Variants in ALDH6A1 observed in about 807,000 individuals in gnomAD.
The protein encoded by ALDH6A1 is methylmalonate-semialdehyde/malonate-semialdehyde dehydrogenase [acylating], mitochondrial.
In ALDH6A1, 43 loss-of-function variants were observed where a neutral mutation model predicts 62.6. That is an observed-to-expected ratio of 0.69 (90% CI 0.54 to 0.89). ALDH6A1 has a LOEUF of 0.89. Ranked by LOEUF, ALDH6A1 falls within the 40% of genes least tolerant of loss-of-function variation. The pLI is 0.00. For missense variants in ALDH6A1, 551 were observed against 661.3 expected, an observed-to-expected ratio of 0.83 and a Z score of 1.83; for synonymous variants, 194 against 234.2, an observed-to-expected ratio of 0.83 and a Z score of 1.57.
chr14:74,067,905 A>G (rs2060493476), intron 7 of ALDH6A1, among the ~76,000 whole-genome samples: 1 of 151,882 alleles, frequency 6.6e-6, no homozygotes, highest in Non-Finnish European at 1.5e-5. Context: ...AGACTGGGTG[A>G]CAGAGTGAGA....
intron 11 of ALDH6A1, among the ~76,000 whole-genome samples, chr14:74,064,315 T>G (rs58066285): frequency 6.9e-6 from 1 of 144,310 alleles, no homozygotes; most frequent in Admixed American, 6.9e-5. Flanking sequence ...AAAAAAATAA[T>G]AATAATAATA....
chr14:74,067,945 A>AC (rs2139776529), intron 7 of ALDH6A1, among the ~76,000 whole-genome samples: 1 of 151,892 alleles, frequency 6.6e-6, no homozygotes, highest in Non-Finnish European at 1.5e-5. Context: ...AAACAAACAA[A>AC]AAACAGGAAT....
intron 1 of ALDH6A1, among the ~76,000 whole-genome samples, chr14:74,079,135 C>T (rs1382096959): frequency 2.6e-5 from 4 of 151,726 alleles, no homozygotes; most frequent in Non-Finnish European, 5.9e-5. Context: ...GTGATACCCA[C>T]GTAATTATCT....
chr14:74,081,275 G>C (rs1486690434), intron 1 of ALDH6A1: 1 of 152,218 alleles, frequency 6.6e-6, no homozygotes, highest in Non-Finnish European at 1.5e-5. Flanking sequence ...CTGGAAGAGA[G>C]TAAGTACTTA....
At chr14:74,081,119 T>C (rs1482444980) in intron 1 of ALDH6A1, 1 of 152,204 alleles carries the variant, frequency 6.6e-6, no homozygotes, top group African/African-American at 2.4e-5. Context: ...CTCAGGTCTA[T>C]GGTAAGCAGC....
At chr14:74,069,101 CTT>C (rs900873855) in intron 6 of ALDH6A1, 120 bp from the exon 7 acceptor site, 10,877 of 442,606 alleles carry the variant, frequency 0.025, no homozygotes, top group Non-Finnish European at 0.028. Flanking sequence ...TTTACTTTTT[CTT>C]TTTTTTTTTT....
At chr14:74,078,311 A>T in intron 1 of ALDH6A1, 1 of 454,656 alleles carries the variant, frequency 2.2e-6, no homozygotes, top group South Asian at 1.6e-5. Flanking sequence ...AAAGTGACCG[A>T]GACAGTGGTG....
rs2060272995 is a variant in ALDH6A1 at position 74,058,645 on chromosome 14, G to T, written c.*1997C>A. The T allele has an allele frequency of 2.0e-5, 3 of 151,578 alleles. No homozygotes were observed. The highest frequency in any genetic ancestry group is 6.6e-5 in the Admixed American group (1 of 15,206). 9.4% of individuals were successfully genotyped at this position (151,578 alleles called of 1,614,324 possible). On this transcript the variant is annotated 3_prime_UTR_variant, in exon 12 of 12. Transcript: ENST00000553458. ...TTCATGAATAACCCCCATAGTGTAG[G>T]TTAGTTAGCACTATCAAAGTGACTG...
chr14:74,084,451 G>A lies in ALDH6A1; in HGVS notation c.-57C>T. The A allele has an allele frequency of 6.3e-7, 1 of 1,598,798 alleles. No homozygotes were observed. ...GCCTCTACTGCCCAGAAGCACTACA[G>A]CTGCCAGGCCTCGCCCTCCATCCTG... is the stretch of plus-strand genomic sequence containing the variant. On this transcript the variant is annotated 5_prime_UTR_variant, in exon 1 of 12. Coordinates refer to ENST00000553458, the MANE Select transcript of ALDH6A1 (RefSeq NM_005589.4).
intron 6 of ALDH6A1, 65 bp downstream of exon 6, chr14:74,071,130 C>G: frequency 6.9e-7 from 1 of 1,444,396 alleles, no homozygotes; most frequent in African/African-American, 1.4e-5. Context: ...AAACATCCAA[C>G]CATCACTCAA....
intron 9 of ALDH6A1, among the ~76,000 whole-genome samples, chr14:74,066,410 T>C (rs2060465990): frequency 6.6e-6 from 1 of 152,192 alleles, no homozygotes; most frequent in Non-Finnish European, 1.5e-5. Context: ...ACAATGTTTA[T>C]AGCTGATCTC....
Position 74,056,926 on chromosome 14 carries a change from G to A in ALDH6A1, c.*3716C>T. 1 of 1,613,774 alleles carries A rather than the reference G, an allele frequency of 6.2e-7. No individual in the cohort carries two copies. The highest frequency in any genetic ancestry group is 1.1e-5 in the South Asian group (1 of 91,064). On this transcript the variant is annotated 3_prime_UTR_variant, in exon 12 of 12. Transcript: ENST00000553458. ...TACAGGAAATACAACCAGAGTTCTA[G>A]GCCTCCAGTTCCAGACTATGTTGTT...
chr14:74,062,051 GAAAAAAAAAAAAAAA>G (rs369414700), intron 11 of ALDH6A1, among the ~76,000 whole-genome samples: 51 of 59,622 alleles, frequency 8.6e-4, no homozygotes, highest in African/African-American at 2.2e-3. Flanking sequence ...TCTCTACTGG[GAAAAAAAAAAAAAAA>G]AAAAAAAAAA....
At position 74,071,387 on chromosome 14, in the gene ALDH6A1, C is replaced by T; in HGVS notation, c.538G>A (p.Ala180Thr). The T allele has an allele frequency of 6.2e-7, 1 of 1,614,152 alleles. No homozygotes were observed. Residue 180 changes from alanine to threonine, a missense_variant, in exon 6 of 12, where the codon GCA becomes ACA. Ala to Thr is a moderately conservative substitution (Grantham distance 58). Coordinates refer to ENST00000553458, the MANE Select transcript of ALDH6A1 (RefSeq NM_005589.4). ...YSYRLPLGVC[A>T]GIAPFNFPAM... ...GGAAAATTGAATGGAGCAATGCCTG[C>T]ACACACTCCCAGAGGCAGACGGTAG...
intron 6 of ALDH6A1, among the ~76,000 whole-genome samples, chr14:74,069,803 A>G (rs1478598237): frequency 6.7e-6 from 1 of 149,366 alleles, no homozygotes; most frequent in Non-Finnish European, 1.5e-5. Context: ...CTTTCCTTTC[A>G]TGATTTTTCT....
chr14:74,081,811 A>G (rs4646857), intron 1 of ALDH6A1, among the ~76,000 whole-genome samples: 19,620 of 152,254 alleles, frequency 0.13, 1,934 homozygotes, highest in East Asian at 0.57. Flanking sequence ...AGTGCCTAAC[A>G]TAGAAAGAGA....
intron 10 of ALDH6A1, 35 bp from the exon 11 acceptor site, chr14:74,064,955 A>G: frequency 6.3e-7 from 1 of 1,581,586 alleles, no homozygotes; most frequent in African/African-American, 1.3e-5. Flanking sequence ...TATCCTAAGG[A>G]CAAAGGAACT....
At position 74,067,400 on chromosome 14, in the gene ALDH6A1, T is replaced by C. The variant is rs1280262132; in HGVS notation, c.1022A>G (p.Lys341Arg). ...ATTACCTGCATTGACTCTCAGGTTTTTGGCATGCTCCACCAGCTCTGGCAG... is the reference window on the plus strand; with the variant it reads ...ATTACCTGCATTGACTCTCAGGTTTCTGGCATGCTCCACCAGCTCTGGCAG... ...KWLPELVEHA[K>R]NLRVNAGDQP... The change falls in exon 8 of 12, where the codon AAA becomes AGA. Residue 341 changes from lysine (K) to arginine (R), a missense_variant. Transcript: ENST00000553458. 4 of 1,613,646 alleles carry C rather than the reference T, an allele frequency of 2.5e-6. No individual in the cohort carries two copies. The highest frequency in any genetic ancestry group is 1.7e-5 in the Admixed American group (1 of 60,018).
At position 74,075,305 on chromosome 14, in the gene ALDH6A1, A is replaced by C. The variant is rs192330109; in HGVS notation, c.49-288T>G. On this transcript the variant is annotated intron_variant, in intron 1 of 11. Transcript: ENST00000553458. ...GCCTGGCAAATGTACCATAAATCTA[A>C]CAATATGAAAATACTTAGCATGGTA... Among the ~76,000 whole-genome samples the C allele has an allele frequency of 2.0e-5, 3 of 152,308 alleles. No individual in the cohort carries two copies. In the East Asian group the frequency reaches 5.8e-4, roughly 29 times the overall value.
Sources: gnomAD v4.1 joint callset for allele counts (sites outside exome capture counted in the v4.1 genomes callset) on GRCh38, gnomAD v4.1.1 for gene constraint, MANE v1.5 for transcripts, NCBI Gene and HGNC (gene_info 2026-07-23, HGNC 2026-07-21) for gene names.